The following ARHGAP24 variants were observed in gnomAD, a reference collection of about 807,000 sequenced individuals.
ARHGAP24 encodes the protein rho GTPase-activating protein 24.
Under a neutral mutation model 76.4 loss-of-function variants are expected in ARHGAP24, and 50 were observed. The observed-to-expected ratio is 0.65, with a 90% confidence interval of 0.52 to 0.83. ARHGAP24 has a LOEUF of 0.83. ARHGAP24 is among the 40% of genes least tolerant of loss of function. ARHGAP24 has a pLI of 0.00. For missense variants in ARHGAP24, 930 were observed against 914.2 expected, an observed-to-expected ratio of 1.02 and a Z score of -0.22; for synonymous variants, 345 against 323.3, an observed-to-expected ratio of 1.07 and a Z score of -0.72.
chr4:85,842,337 C>A (rs1443262443), intron 3 of ARHGAP24, among the ~76,000 whole-genome samples: 1 of 151,868 alleles, frequency 6.6e-6, no homozygotes, highest in Non-Finnish European at 1.5e-5. Flanking sequence ...TAACCTGCCA[C>A]TTTCTGCCTG....
intron 1 of ARHGAP24, among the ~76,000 whole-genome samples, chr4:85,517,483 T>C (rs1422120063): frequency 6.6e-6 from 1 of 152,178 alleles, no homozygotes; most frequent in East Asian, 1.9e-4. Context: ...CATTTAAATT[T>C]CAAAAATTAT....
intron 2 of ARHGAP24, among the ~76,000 whole-genome samples, chr4:85,690,785 C>T (rs1462586251): frequency 1.4e-5 from 2 of 147,902 alleles, no homozygotes; most frequent in Admixed American, 1.4e-4. Context: ...TTCATGGAAC[C>T]AACTCTTGGT....
chr4:85,883,741 A>G (rs894005068), intron 3 of ARHGAP24, among the ~76,000 whole-genome samples: 1 of 152,212 alleles, frequency 6.6e-6, no homozygotes, highest in Non-Finnish European at 1.5e-5. Context: ...GAAATATCCA[A>G]ACACACAGAC....
intron 5 of ARHGAP24, among the ~76,000 whole-genome samples, chr4:85,965,039 A>G (rs913811052): frequency 3.3e-5 from 5 of 152,144 alleles, no homozygotes; most frequent in African/African-American, 1.2e-4. Context: ...GAAAAGATCA[A>G]TGTGACAGTT....
chr4:85,962,233 C>G (rs1560748675), intron 5 of ARHGAP24, among the ~76,000 whole-genome samples: 6 of 151,954 alleles, frequency 3.9e-5, no homozygotes, highest in Admixed American at 1.3e-4. Context: ...TATGTAAACT[C>G]TCAATGAAAA....
At chr4:85,852,267 G>A (rs368100592) in intron 3 of ARHGAP24, among the ~76,000 whole-genome samples, 2 of 152,108 alleles carry the variant, frequency 1.3e-5, no homozygotes, top group African/African-American at 2.4e-5. Context: ...TGTGTGTCAC[G>A]TAGTTCTCGT....
rs569786217 is a variant in ARHGAP24 at position 85,518,735 on chromosome 4, A to C, written c.-21+43176A>C. On this transcript the variant is annotated intron_variant, in intron 1 of 9. Coordinates refer to ENST00000395184, the MANE Select transcript of ARHGAP24 (RefSeq NM_001025616.3). Reference sequence around the variant, plus strand: ...GGCTGTGTAGTATTGCATCATCTATATTTACCACAGTTTCTTTATCCACTC... The same window carrying C: ...GGCTGTGTAGTATTGCATCATCTATCTTTACCACAGTTTCTTTATCCACTC... 4.6e-5 allele frequency among the ~76,000 whole-genome samples: 7 copies of C among 152,174 alleles called. No individual in the cohort carries two copies. The East Asian group carries it at 1.4e-3, about 29-fold the overall frequency.
At chr4:85,590,974 T>C in intron 2 of ARHGAP24, among the ~76,000 whole-genome samples, 1 of 150,676 alleles carries the variant, frequency 6.6e-6, no homozygotes. Context: ...TGAAAGGCTG[T>C]ACAAAAATTA....
At chr4:85,819,417 T>C (rs952999370) in intron 3 of ARHGAP24, among the ~76,000 whole-genome samples, 1 of 152,064 alleles carries the variant, frequency 6.6e-6, no homozygotes, top group Non-Finnish European at 1.5e-5. Context: ...GTTGGGGAAA[T>C]GGCTGGATCT....
At chr4:85,565,619 G>A (rs899994173) in intron 1 of ARHGAP24, among the ~76,000 whole-genome samples, 1 of 152,122 alleles carries the variant, frequency 6.6e-6, no homozygotes, top group South Asian at 2.1e-4. Context: ...TCACTGAGTG[G>A]ATGCATTGTG....
chr4:85,676,701 T>C (rs1194613150), intron 2 of ARHGAP24, among the ~76,000 whole-genome samples: 2 of 152,136 alleles, frequency 1.3e-5, no homozygotes, highest in African/African-American at 4.8e-5. Flanking sequence ...AGGAAAAGGG[T>C]TATGAAAAGA....
intron 3 of ARHGAP24, among the ~76,000 whole-genome samples, chr4:85,816,834 C>A (rs1017650570): frequency 2.6e-5 from 4 of 152,122 alleles, no homozygotes; most frequent in Non-Finnish European, 4.4e-5. Flanking sequence ...TTTTTAAGAA[C>A]CTCCATACTG....
intron 2 of ARHGAP24, among the ~76,000 whole-genome samples, chr4:85,574,451 T>C (rs1336135834): frequency 1.3e-5 from 2 of 152,146 alleles, no homozygotes; most frequent in African/African-American, 2.4e-5. Flanking sequence ...GATGTGAGTT[T>C]TCCAGGTAGA....
At chr4:85,569,064 C>T (rs1236995506) in intron 1 of ARHGAP24, among the ~76,000 whole-genome samples, 1 of 152,042 alleles carries the variant, frequency 6.6e-6, no homozygotes, top group Non-Finnish European at 1.5e-5. Flanking sequence ...CAAAAATGAC[C>T]AAGGGCTGAC....
chr4:85,498,441 A>G (rs1226059942), intron 1 of ARHGAP24, among the ~76,000 whole-genome samples: 3 of 152,172 alleles, frequency 2.0e-5, no homozygotes, highest in African/African-American at 7.2e-5. Context: ...AAATTTTTCA[A>G]TTATATTAAT....
At chr4:85,952,541 A>G (rs1410055296) in intron 5 of ARHGAP24, among the ~76,000 whole-genome samples, 3 of 152,234 alleles carry the variant, frequency 2.0e-5, no homozygotes, top group African/African-American at 4.8e-5. Context: ...GTGTGAGAAA[A>G]AAACATTTGA....
At chr4:85,672,494 TC>T (rs1286520192) in intron 2 of ARHGAP24, among the ~76,000 whole-genome samples, 4 of 152,184 alleles carry the variant, frequency 2.6e-5, no homozygotes, top group African/African-American at 9.7e-5. Context: ...ATCCGTCCCA[TC>T]CTACCTTTGG....
intron 2 of ARHGAP24, among the ~76,000 whole-genome samples, chr4:85,580,743 C>A (rs1340115198): frequency 1.3e-5 from 2 of 152,124 alleles, no homozygotes; most frequent in Non-Finnish European, 1.5e-5. Flanking sequence ...GAGTTATGGA[C>A]TCTCCTTTCA....
At chr4:85,552,884 T>G (rs977032563) in intron 1 of ARHGAP24, among the ~76,000 whole-genome samples, 1 of 152,228 alleles carries the variant, frequency 6.6e-6, no homozygotes, top group African/African-American at 2.4e-5. Flanking sequence ...TTTGAGCCTA[T>G]GGATGTCATT....
Sources: allele counts gnomAD v4.1 joint callset (sites outside exome capture counted in the v4.1 genomes callset), GRCh38; gene constraint gnomAD v4.1.1; transcripts MANE v1.5; gene names NCBI Gene and HGNC (gene_info 2026-07-23, HGNC 2026-07-21).